BLTP3A: variants seen among roughly 807,000 people sequenced by gnomAD.
BLTP3A encodes ICBP90 binding protein 1.
chr6:34,811,457 C>T, the BLTP3A span, among the ~76,000 whole-genome samples: 133 of 152,174 alleles, frequency 8.7e-4, 1 homozygote, highest in Middle Eastern at 3.4e-3. Flanking sequence ...GTCATAGCCA[C>T]GTGCGATGGC....
the BLTP3A span, among the ~76,000 whole-genome samples, chr6:34,843,525 C>G: frequency 6.6e-6 from 1 of 152,016 alleles, no homozygotes; most frequent in South Asian, 2.1e-4. Flanking sequence ...TGCAGGCATA[C>G]GATACATAAT....
chr6:34,823,255 A>G, the BLTP3A span: 2 of 1,613,234 alleles, frequency 1.2e-6, no homozygotes, highest in Non-Finnish European at 1.7e-6. Flanking sequence ...CTTCTATTTC[A>G]GTGTCTGGAT....
chr6:34,826,358 T>C, the BLTP3A span, among the ~76,000 whole-genome samples: 2 of 127,886 alleles, frequency 1.6e-5, no homozygotes, highest in Admixed American at 7.7e-5. Flanking sequence ...TACATCCTAC[T>C]TTTTTTTTTT....
the BLTP3A span, chr6:34,876,358 AC>A: frequency 6.6e-6 from 1 of 151,970 alleles, no homozygotes; most frequent in East Asian, 1.9e-4. Flanking sequence ...CCCCTCACAT[AC>A]CCCTGTAACT....
the BLTP3A span, chr6:34,857,897 C>A: frequency 1.9e-6 from 3 of 1,613,692 alleles, no homozygotes; most frequent in Admixed American, 1.7e-5. Flanking sequence ...GGACATCCGA[C>A]TAGATGCATT....
chr6:34,855,521 T>C, the BLTP3A span: 1 of 1,435,370 alleles, frequency 7.0e-7, no homozygotes. Context: ...AGCTGGGCTT[T>C]GAAGCTGGTC....
chr6:34,829,150 T>C, the BLTP3A span, among the ~76,000 whole-genome samples: 2 of 151,880 alleles, frequency 1.3e-5, no homozygotes, highest in African/African-American at 4.8e-5. Flanking sequence ...AAGTATACAA[T>C]TCAGTGGTTT....
the BLTP3A span, chr6:34,859,031 A>T: frequency 1.2e-6 from 2 of 1,614,128 alleles, no homozygotes. Context: ...GGTGCTGTCG[A>T]TGCTGACTCT....
chr6:34,810,458 A>C, the BLTP3A span, among the ~76,000 whole-genome samples: 1 of 152,212 alleles, frequency 6.6e-6, no homozygotes, highest in African/African-American at 2.4e-5. Flanking sequence ...TATAGCGTGT[A>C]CTACAGTTAA....
the BLTP3A span, chr6:34,871,434 A>G: frequency 2.6e-6 from 2 of 762,410 alleles, no homozygotes; most frequent in South Asian, 3.5e-5. Context: ...CCATCTCTAG[A>G]TGGGAGAATC....
the BLTP3A span, among the ~76,000 whole-genome samples, chr6:34,848,290 A>G: frequency 1.3e-5 from 2 of 151,422 alleles, no homozygotes; most frequent in East Asian, 3.9e-4. Context: ...TCTCAAAAAA[A>G]AAAATAATAA....
At chr6:34,816,456 A>G in the BLTP3A span, among the ~76,000 whole-genome samples, 1 of 152,024 alleles carries the variant, frequency 6.6e-6, no homozygotes, top group Non-Finnish European at 1.5e-5. Flanking sequence ...CAAAAAATAA[A>G]AAAAATTAGC....
At chr6:34,857,676 A>T in the BLTP3A span, 1 of 1,562,726 alleles carries the variant, frequency 6.4e-7, no homozygotes, top group Non-Finnish European at 8.8e-7. Context: ...GTAAGAGCCT[A>T]GCTATTGCTT....
At chr6:34,797,246 C>A in the BLTP3A span, among the ~76,000 whole-genome samples, 2 of 152,242 alleles carry the variant, frequency 1.3e-5, no homozygotes, top group Admixed American at 1.3e-4. Flanking sequence ...TTTTAAATGA[C>A]CGCAGGAAAT....
At chr6:34,806,471 C>T in the BLTP3A span, among the ~76,000 whole-genome samples, 5 of 152,212 alleles carry the variant, frequency 3.3e-5, no homozygotes, top group Middle Eastern at 3.4e-3. Flanking sequence ...TAAAAGAGAG[C>T]TCATTTTGCA....
At chr6:34,797,135 C>T in the BLTP3A span, among the ~76,000 whole-genome samples, 47 of 152,136 alleles carry the variant, frequency 3.1e-4, no homozygotes, top group East Asian at 7.7e-3. Flanking sequence ...AATAAAGAGT[C>T]GCTATATAAT....
the BLTP3A span, among the ~76,000 whole-genome samples, chr6:34,792,648 C>T: frequency 1.8e-4 from 28 of 152,176 alleles, no homozygotes; most frequent in African/African-American, 4.3e-4. Context: ...CTCCCTTGAC[C>T]GTCTTTCCGA....
At chr6:34,801,961 T>G in the BLTP3A span, among the ~76,000 whole-genome samples, 3 of 151,962 alleles carry the variant, frequency 2.0e-5, no homozygotes, top group African/African-American at 7.3e-5. Flanking sequence ...ATGGTCTCGA[T>G]CTCCTGACCT....
chr6:34,808,519 T>C, the BLTP3A span, among the ~76,000 whole-genome samples: 1 of 151,858 alleles, frequency 6.6e-6, no homozygotes, highest in African/African-American at 2.4e-5. Context: ...TTGTCAGCGG[T>C]GAAAGAGGGG....
Sources: gnomAD v4.1 joint callset for allele counts (sites outside exome capture counted in the v4.1 genomes callset) on GRCh38, gnomAD v4.1.1 for gene constraint, MANE v1.5 for transcripts, NCBI Gene and HGNC (gene_info 2026-07-23, HGNC 2026-07-21) for gene names.